Variants in SMAD3 observed in about 807,000 individuals in gnomAD.
The protein encoded by SMAD3 is MAD homolog 3.
In SMAD3, 12 loss-of-function variants were observed where a neutral mutation model predicts 51.8. The ratio of observed to expected loss-of-function variants is 0.23; its 90% CI spans 0.15 to 0.38. SMAD3 has a LOEUF of 0.38. SMAD3 is among the 10% of genes least tolerant of loss of function. The pLI is 1.00. For missense variants in SMAD3, 294 were observed against 565.6 expected, an observed-to-expected ratio of 0.52 and a Z score of 4.87; for synonymous variants, 238 against 227.7, an observed-to-expected ratio of 1.05 and a Z score of -0.41.
At chr15:67,139,326 C>G (rs1961755549) in intron 1 of SMAD3, among the ~76,000 whole-genome samples, 1 of 152,102 alleles carries the variant, frequency 6.6e-6, no homozygotes, top group Non-Finnish European at 1.5e-5. Context: ...GTCAAGACGG[C>G]AATATTAGGT....
At chr15:67,162,251 A>G (rs1363667973) in intron 1 of SMAD3, among the ~76,000 whole-genome samples, 1 of 152,150 alleles carries the variant, frequency 6.6e-6, no homozygotes, top group Non-Finnish European at 1.5e-5. Context: ...TATTCAGGCA[A>G]ATGGGTGCCC....
rs369937081 is a variant in SMAD3 at position 67,138,108 on chromosome 15, C to A, written c.207-26787C>A. 18 of 1,549,310 alleles carry A rather than the reference C, an allele frequency of 1.2e-5. No homozygotes were observed. The African/African-American group carries it at 2.3e-4, about 20-fold the overall frequency. ...AGCATGGTGGATGGGGAGGTAGGAG[C>A]CCCGTGCCGGGACATGTCTTTTCTC... On this transcript the variant is annotated intron_variant, in intron 1 of 8. Transcript: ENST00000327367.
intron 1 of SMAD3, among the ~76,000 whole-genome samples, chr15:67,153,016 T>C (rs1349203675): frequency 6.6e-6 from 1 of 152,038 alleles, no homozygotes; most frequent in Non-Finnish European, 1.5e-5. Flanking sequence ...GAGTTTGGAG[T>C]GTAACATCTA....
chr15:67,150,798 C>CTTT lies in SMAD3; in HGVS notation c.207-14078_207-14076dup, dbSNP rs774186264. Among the ~76,000 whole-genome samples, 145 of 35,520 alleles carry CTTT rather than the reference C, an allele frequency of 4.1e-3. 8 individuals are homozygous for CTTT. Among genetic ancestry groups the CTTT allele is most frequent in the African/African-American group, 0.011 (101 of 9,400 alleles). The allele number at this position is 35,520 out of a possible 152,430, so 23.3% of individuals were successfully genotyped here. On this transcript the variant is annotated intron_variant, in intron 1 of 8. Coordinates refer to ENST00000327367, the MANE Select transcript of SMAD3 (RefSeq NM_005902.4). ...GGGGAGGGGACTTTTCCATGTCCTG[C>CTTT]TTTTTTTTTTTTTTTTTTTTTATTA...
chr15:67,154,828 A>G (rs1483844772), intron 1 of SMAD3, among the ~76,000 whole-genome samples: 1 of 152,224 alleles, frequency 6.6e-6, no homozygotes, highest in Non-Finnish European at 1.5e-5. Context: ...AAAAAAAATT[A>G]AAAACACTTG....
chr15:67,141,906 G>T (rs1171672365), intron 1 of SMAD3, among the ~76,000 whole-genome samples: 2 of 152,252 alleles, frequency 1.3e-5, no homozygotes, highest in East Asian at 3.9e-4. Context: ...GATGAGGTGG[G>T]GTGGTATGGG....
intron 1 of SMAD3, among the ~76,000 whole-genome samples, chr15:67,069,035 C>T (rs1218054211): frequency 6.6e-6 from 1 of 152,094 alleles, no homozygotes; most frequent in Non-Finnish European, 1.5e-5. Context: ...TTTAAGGAGC[C>T]CTCAGTCTAA....
chr15:67,070,386 C>T (rs546195303), intron 1 of SMAD3, among the ~76,000 whole-genome samples: 62 of 152,238 alleles, frequency 4.1e-4, no homozygotes, highest in African/African-American at 1.5e-3. Flanking sequence ...TCCCTGGGAA[C>T]ATTTAGAACC....
At chr15:67,155,478 G>A (rs1962258144) in intron 1 of SMAD3, among the ~76,000 whole-genome samples, 2 of 152,190 alleles carry the variant, frequency 1.3e-5, no homozygotes, top group African/African-American at 2.4e-5. Context: ...GTATTAAAGA[G>A]CAGCAGAAAG....
intron 1 of SMAD3, among the ~76,000 whole-genome samples, chr15:67,136,379 C>G (rs969095918): frequency 6.7e-6 from 1 of 148,780 alleles, no homozygotes; most frequent in African/African-American, 2.5e-5. Context: ...GTCACCCAGG[C>G]TGGAGTGCAG....
intron 1 of SMAD3, among the ~76,000 whole-genome samples, chr15:67,114,475 C>T (rs898432879): frequency 6.6e-6 from 1 of 152,224 alleles, no homozygotes; most frequent in Non-Finnish European, 1.5e-5. Context: ...CTTCGTCCCA[C>T]ACCCAATAAA....
intron 1 of SMAD3, among the ~76,000 whole-genome samples, chr15:67,085,118 G>T (rs776459322): frequency 6.6e-6 from 1 of 152,210 alleles, no homozygotes; most frequent in Non-Finnish European, 1.5e-5. Context: ...TTTAAGGCCA[G>T]TGAGGAGACT....
chr15:67,189,857 G>T (rs1963314683), intron 8 of SMAD3, among the ~76,000 whole-genome samples: 1 of 151,988 alleles, frequency 6.6e-6, no homozygotes, highest in African/African-American at 2.4e-5. Flanking sequence ...CTGCTTGTAA[G>T]ATTTTCCAAA....
In SMAD3 at chr15:67,084,577, T is replaced by G. The variant is rs377163900; in HGVS notation, c.206+18217T>G. Among the ~76,000 whole-genome samples the G allele has an allele frequency of 9.0e-4, 137 of 152,290 alleles. 1 individual carries two copies. Among genetic ancestry groups the G allele is most frequent in the African/African-American group, 3.2e-3 (131 of 41,558 alleles). ...TAATTCATCACATATTTACTGAGCTTCTTTTGTTGGTGGTGGTGCCATCAG... is the reference window on the plus strand; with the variant it reads ...TAATTCATCACATATTTACTGAGCTGCTTTTGTTGGTGGTGGTGCCATCAG... On this transcript the variant is annotated intron_variant, in intron 1 of 8. Coordinates refer to ENST00000327367, the MANE Select transcript of SMAD3 (RefSeq NM_005902.4).
intron 1 of SMAD3, among the ~76,000 whole-genome samples, chr15:67,152,910 G>A (rs1052529737): frequency 2.6e-5 from 4 of 152,084 alleles, no homozygotes; most frequent in Non-Finnish European, 4.4e-5. Context: ...ATATTTAACC[G>A]TCTTCTTTGC....
intron 1 of SMAD3, among the ~76,000 whole-genome samples, chr15:67,087,606 T>C (rs1276805008): frequency 6.6e-6 from 1 of 152,238 alleles, no homozygotes; most frequent in Admixed American, 6.5e-5. Context: ...GAGCTGGCTT[T>C]GTTAGGCCCT....
rs1341430864 is a variant in SMAD3 at position 67,181,252 on chromosome 15, G to A, written c.670G>A (p.Val224Ile). The stretch of plus-strand genomic sequence containing the variant: ...CCCTGTGTCCACAGACCTGCAGCCA[G>A]TTACCTACTGCGAGCCGGCCTTCTG... ...PAHNNLDLQPVTYCEPAFWCS... is the reference protein window; with the variant it reads ...PAHNNLDLQPITYCEPAFWCS... Residue 224 changes from valine to isoleucine, a missense_variant, in exon 6 of 9, where the codon GTT becomes ATT. Val to Ile is a conservative substitution (Grantham distance 29). This residue lies in a region of SMAD3 where 118 missense variants were observed against 278.0 expected (regional missense o/e 0.42). Transcript: ENST00000327367. 2 of 1,612,678 alleles carry A rather than the reference G, an allele frequency of 1.2e-6. No homozygotes were observed. Among genetic ancestry groups the A allele is most frequent in the South Asian group, 2.2e-5 (2 of 90,994 alleles).
At chr15:67,095,700 T>C (rs1200033618) in intron 1 of SMAD3, among the ~76,000 whole-genome samples, 3 of 152,074 alleles carry the variant, frequency 2.0e-5, no homozygotes, top group African/African-American at 7.2e-5. Flanking sequence ...CCCAGCTAAT[T>C]TTTGTATTTC....
At chr15:67,150,976 C>T (rs1351943253) in intron 1 of SMAD3, among the ~76,000 whole-genome samples, 2 of 149,612 alleles carry the variant, frequency 1.3e-5, no homozygotes, top group African/African-American at 4.9e-5. Flanking sequence ...TTGCCTCAGC[C>T]TCCCCAGTAG....
Sources: gnomAD v4.1 joint callset for allele counts (sites outside exome capture counted in the v4.1 genomes callset) on GRCh38, gnomAD v4.1.1 for gene constraint, gnomAD v4.1.1 regional missense constraint, MANE v1.5 for transcripts, NCBI Gene and HGNC (gene_info 2026-07-23, HGNC 2026-07-21) for gene names.